Variants in TUBA3D observed in about 807,000 individuals in gnomAD.
The protein encoded by TUBA3D is tubulin alpha-3D chain.
In TUBA3D, 24 loss-of-function variants were observed where a neutral mutation model predicts 36.1. The observed-to-expected ratio is 0.66, with a 90% CI of 0.48 to 0.93. The LOEUF (loss-of-function observed/expected upper bound fraction) is 0.93. TUBA3D is among the 40% of genes least tolerant of loss of function. TUBA3D has a pLI of 0.00. For missense variants in TUBA3D, 356 were observed against 614.5 expected, an observed-to-expected ratio of 0.58 and a Z score of 4.45; for synonymous variants, 185 against 247.2, an observed-to-expected ratio of 0.75 and a Z score of 2.36.
At position 131,482,903 on chromosome 2, in the gene TUBA3D, T is replaced by G. The variant is rs769741762; in HGVS notation, c.*55T>G. Reference sequence around the variant, plus strand: ...ACCCCCGGGATGGCTGCTTCCAAGTTGTTTGCAATTAAAGGTTCTGTATAA... The same window carrying G: ...ACCCCCGGGATGGCTGCTTCCAAGTGGTTTGCAATTAAAGGTTCTGTATAA... On this transcript the variant is annotated 3_prime_UTR_variant, in exon 5 of 5. Coordinates refer to ENST00000321253, the MANE Select transcript of TUBA3D (RefSeq NM_080386.4). The G allele has an allele frequency of 4.4e-5, 69 of 1,576,086 alleles. No homozygotes were observed. Among genetic ancestry groups the G allele is most frequent in the Non-Finnish European group, 5.6e-5 (65 of 1,161,162 alleles).
chr2:131,476,522 T>C (rs1239808483), intron 1 of TUBA3D, among the ~76,000 whole-genome samples: 1 of 152,216 alleles, frequency 6.6e-6, no homozygotes, highest in Non-Finnish European at 1.5e-5. Flanking sequence ...GTCTTTGTGC[T>C]ACTCGAAACA....
intron 4 of TUBA3D, among the ~76,000 whole-genome samples, chr2:131,482,131 C>G (rs1267568772): frequency 6.6e-6 from 1 of 152,148 alleles, no homozygotes; most frequent in Non-Finnish European, 1.5e-5. Context: ...TTCTGTGGGT[C>G]AGAAGTGGGT....
At chr2:131,480,005 G>A in intron 3 of TUBA3D, 64 bp from the exon 4 acceptor site, 3 of 1,519,918 alleles carry the variant, frequency 2.0e-6, no homozygotes, top group Admixed American at 2.2e-5. Context: ...AGCGGCCCTG[G>A]CTTGTTGGAG....
chr2:131,476,343 A>G, intron 1 of TUBA3D, 141 bp downstream of exon 1: 1 of 1,452,154 alleles, frequency 6.9e-7, no homozygotes, highest in Non-Finnish European at 9.2e-7. Context: ...ACAGGAGGAC[A>G]CGGGATCGTT....
Position 131,480,211 on chromosome 2 carries a change from C to T in TUBA3D, c.518C>T (p.Pro173Leu). 1 of 1,613,994 alleles carries T rather than the reference C, an allele frequency of 6.2e-7. No individual in the cohort carries two copies. The highest frequency in any genetic ancestry group is 8.5e-7 in the Non-Finnish European group (1 of 1,180,036). ...TCCAAGCTAGAGTTTGCCATTTACC[C>T]AGCCCCCCAGGTCTCCACAGCCGTG... is the stretch of plus-strand genomic sequence containing the variant. ...KKSKLEFAIY[P>L]APQVSTAVVE... Residue 173 changes from proline to leucine, a missense_variant, in exon 4 of 5, where the codon CCA becomes CTA. Around this residue, in one of 3 missense-constraint regions of TUBA3D, gnomAD observed 91 missense variants for 240.9 expected, o/e 0.38. Coordinates refer to ENST00000321253, the MANE Select transcript of TUBA3D (RefSeq NM_080386.4).
At chr2:131,477,238 A>G (rs1445607049) in intron 1 of TUBA3D, among the ~76,000 whole-genome samples, 8 of 151,436 alleles carry the variant, frequency 5.3e-5, no homozygotes, top group African/African-American at 1.7e-4. Context: ...GGGACTCACT[A>G]TGTTACCCAG....
At chr2:131,479,541 A>G in intron 3 of TUBA3D, 85 bp downstream of exon 3, 2 of 1,579,150 alleles carry the variant, frequency 1.3e-6, no homozygotes, top group Non-Finnish European at 1.7e-6. Context: ...TTTTATCAAC[A>G]CTTAGACCAG....
intron 4 of TUBA3D, 114 bp from the exon 5 acceptor site, chr2:131,482,438 G>A: frequency 1.4e-6 from 2 of 1,461,546 alleles, no homozygotes; most frequent in South Asian, 2.8e-5. Context: ...TTTGTGAGGT[G>A]AACTGAGCAT....
In TUBA3D at chr2:131,480,446, C is replaced by T; in HGVS notation, c.753C>T (p.Asp251=). 1 of 1,589,412 alleles carries T rather than the reference C, an allele frequency of 6.3e-7. No individual in the cohort carries two copies. Among genetic ancestry groups the T allele is most frequent in the Non-Finnish European group, 8.5e-7 (1 of 1,172,034 alleles). Residue 251 remains aspartate, a synonymous_variant, in exon 4 of 5, where the codon GAC becomes GAT. Coordinates refer to ENST00000321253, the MANE Select transcript of TUBA3D (RefSeq NM_080386.4). ...SLRFDGALNV[D]LTEFQTNLVP... The stretch of plus-strand genomic sequence containing the variant: ...GATTTGATGGGGCCCTGAATGTGGA[C>T]TTGACGGAATTCCAGACCAACCTAG...
chr2:131,478,165 G>A lies in TUBA3D; in HGVS notation c.5G>A (p.Arg2His), dbSNP rs771001531. The A allele has an allele frequency of 1.1e-5, 17 of 1,612,284 alleles. No homozygotes were observed. In the Admixed American group the frequency reaches 1.7e-4, roughly 16 times the overall value. M[R>H]ECISIHVGQA... ...TCACTTTTATGTTCCTGTTCACAGC[G>A]CGAGTGTATCTCTATCCACGTGGGG... Residue 2 changes from arginine (R) to histidine (H), a missense_variant and splice_region_variant, in exon 2 of 5, where the codon CGC becomes CAC. This residue lies in a region of TUBA3D where 109 missense variants were observed against 153.7 expected (regional missense o/e 0.71). Transcript: ENST00000321253.
rs1479892615 is a variant in TUBA3D, at chr2:131,482,700, G to A, written c.1205G>A (p.Arg402Gln). Reference protein sequence around the residue: ...DHKFDLMYAKRAFVHWYVGEG... With the variant: ...DHKFDLMYAKQAFVHWYVGEG... ...AAGTTCGATCTCATGTATGCCAAGC[G>A]GGCCTTTGTGCACTGGTACGTGGGC... The change falls in exon 5 of 5, where the codon CGG (arginine) becomes CAG (glutamine). Residue 402 changes from arginine to glutamine, a missense_variant. By Grantham distance (43) the Arg-to-Gln change is conservative. Transcript: ENST00000321253. 4 of 1,614,168 alleles carry A rather than the reference G, an allele frequency of 2.5e-6. No individual in the cohort carries two copies. The highest frequency in any genetic ancestry group is 1.6e-4 in the Middle Eastern group (1 of 6,062).
At position 131,482,548 on chromosome 2, in the gene TUBA3D, G is replaced by C; in HGVS notation, c.1057-4G>C. On this transcript the variant is annotated splice_polypyrimidine_tract_variant and splice_region_variant and intron_variant, in intron 4 of 4. Transcript: ENST00000321253. ...TGGACTGCTTTCTTTCCCTTCTCTG[G>C]CAGGTGGGCATTAACTACCAGCCCC... The C allele has an allele frequency of 6.3e-7, 1 of 1,598,686 alleles. No homozygotes were observed. Among genetic ancestry groups the C allele is most frequent in the African/African-American group, 1.3e-5 (1 of 74,542 alleles).
In TUBA3D at chr2:131,480,683, G is replaced by A. The variant is rs544965045; in HGVS notation, c.990G>A (p.Ala330=). ...ACGTGGTCCCCAAAGACGTCAACGC[G>A]GCCATCGCCACCATCAAGACCAAGC... ...RGDVVPKDVN[A]AIATIKTKRT... is the part of the protein sequence containing the mutation. The change falls in exon 4 of 5, where the codon GCG becomes GCA. Residue 330 remains alanine (A), a synonymous_variant. Transcript: ENST00000321253. The A allele has an allele frequency of 1.2e-5, 19 of 1,613,730 alleles. 1 individual carries two copies. The highest frequency in any genetic ancestry group is 5.5e-5 in the South Asian group (5 of 91,068).
chr2:131,480,848 C>G, intron 4 of TUBA3D, 99 bp downstream of exon 4: 1 of 1,501,580 alleles, frequency 6.7e-7, no homozygotes, highest in East Asian at 2.3e-5. Context: ...TATCCCTGTT[C>G]CATGGGCTAG....
At chr2:131,477,418 G>C (rs1269134319) in intron 1 of TUBA3D, among the ~76,000 whole-genome samples, 3 of 152,176 alleles carry the variant, frequency 2.0e-5, no homozygotes, top group Admixed American at 6.5e-5. Flanking sequence ...GCTTCAAGGG[G>C]TAGAGAGAGG....
Position 131,478,127 on chromosome 2 carries a change from G to A in TUBA3D, c.4-37G>A, listed in dbSNP as rs547963721. 1.9e-5 allele frequency: 30 copies of A among 1,594,862 alleles called. No homozygotes were observed. In the South Asian group the frequency reaches 3.1e-4, roughly 17 times the overall value. ...ATGCCATATAGTTTCAAGTTGCCTT[G>A]AAATGAATGGGTTCACTTTTATGTT... On this transcript the variant is annotated intron_variant, in intron 1 of 4. Coordinates refer to ENST00000321253, the MANE Select transcript of TUBA3D (RefSeq NM_080386.4).
intron 2 of TUBA3D, among the ~76,000 whole-genome samples, chr2:131,479,009 G>A (rs1385274466): frequency 6.6e-6 from 1 of 152,246 alleles, no homozygotes; most frequent in African/African-American, 2.4e-5. Context: ...GTAGCTACAC[G>A]TAGGAAAGAA....
chr2:131,480,916 T>G (rs555606320), intron 4 of TUBA3D, among the ~76,000 whole-genome samples, 167 bp downstream of exon 4: 17 of 152,152 alleles, frequency 1.1e-4, no homozygotes, highest in South Asian at 8.3e-4. Flanking sequence ...ATTTCTTTTT[T>G]TTTTTTTGAG....
intron 3 of TUBA3D, 25 bp downstream of exon 3, chr2:131,479,481 C>G: frequency 6.2e-7 from 1 of 1,606,540 alleles, no homozygotes; most frequent in Non-Finnish European, 8.5e-7. Flanking sequence ...TTTCATGTGG[C>G]CATTTTCTTG....
Sources: gnomAD v4.1 joint callset for allele counts (sites outside exome capture counted in the v4.1 genomes callset) on GRCh38, gnomAD v4.1.1 for gene constraint, gnomAD v4.1.1 regional missense constraint, MANE v1.5 for transcripts, NCBI Gene and HGNC (gene_info 2026-07-23, HGNC 2026-07-21) for gene names.